The following LRMDA variants were observed in gnomAD, a reference collection of about 807,000 sequenced individuals.
The protein encoded by LRMDA is leucine-rich melanocyte differentiation-associated protein.
In LRMDA, 18 loss-of-function variants were observed where a neutral mutation model predicts 29.8. The ratio of observed to expected loss-of-function variants is 0.60; its 90% CI spans 0.42 to 0.90. The LOEUF (loss-of-function observed/expected upper bound fraction) is 0.90, where lower values mean the gene tolerates loss of function less well. Among genes scored for constraint, LRMDA ranks in the 40% least tolerant of loss-of-function variants. The probability of loss-of-function intolerance (pLI) is 0.00; values close to 1 mark genes in which losing one functional copy is unlikely to be tolerated. For synonymous variants in LRMDA, 125 were observed against 109.4 expected (o/e 1.14, Z -0.89); for missense variants, 273 against 273.9 (o/e 1.00, Z 0.02).
chr10:76,557,445 G>A lies in LRMDA; in HGVS notation c.*157G>A, dbSNP rs185154999. 8.1e-5 allele frequency: 52 copies of A among 641,566 alleles called. No individual in the cohort carries two copies. In the African/African-American group the frequency reaches 8.8e-4, roughly 11 times the overall value. The allele number at this position is 641,566 out of a possible 1,614,324, so 39.7% of individuals were successfully genotyped here. On this transcript the variant is annotated 3_prime_UTR_variant, in exon 7 of 7. Coordinates refer to ENST00000611255, the MANE Select transcript of LRMDA (RefSeq NM_001305581.2). ...TTGGTACCTTCCGCTGACTTTGCCA[G>A]GCCTGTCAAGATGATCCTTCTGCCT...
chr10:76,261,096 G>T (rs1039030944), intron 5 of LRMDA, among the ~76,000 whole-genome samples: 3 of 125,828 alleles, frequency 2.4e-5, no homozygotes, highest in African/African-American at 9.6e-5. Flanking sequence ...ACGGAGTCTC[G>T]CTCTGTTGCC....
At chr10:76,478,083 A>T (rs1223802681) in intron 6 of LRMDA, among the ~76,000 whole-genome samples, 1 of 152,184 alleles carries the variant, frequency 6.6e-6, no homozygotes, top group Non-Finnish European at 1.5e-5. Context: ...GCTTCTGCAC[A>T]GCAAAAGAAA....
intron 5 of LRMDA, among the ~76,000 whole-genome samples, chr10:76,266,248 G>A (rs1051237020): frequency 7.0e-6 from 1 of 142,784 alleles, no homozygotes; most frequent in Non-Finnish European, 1.5e-5. Flanking sequence ...ATCTTTTTTT[G>A]TAATAAAGGT....
Position 75,835,978 on chromosome 10 carries a change from T to C in LRMDA, c.132-200030T>C, listed in dbSNP as rs1440045314. Among the ~76,000 whole-genome samples the C allele has an allele frequency of 5.3e-5, 8 of 152,260 alleles. No homozygotes were observed. The East Asian group carries it at 1.5e-3, about 29-fold the overall frequency. ...TACATACAGTAGATGCTCATCAAACTCAATGGAAAAGCATTATCAAGCACA... is the reference window on the plus strand; with the variant it reads ...TACATACAGTAGATGCTCATCAAACCCAATGGAAAAGCATTATCAAGCACA... On this transcript the variant is annotated intron_variant, in intron 2 of 6. Transcript: ENST00000611255.
At chr10:76,424,494 G>A (rs1316053057) in intron 6 of LRMDA, among the ~76,000 whole-genome samples, 4 of 152,144 alleles carry the variant, frequency 2.6e-5, no homozygotes, top group South Asian at 2.1e-4. Flanking sequence ...AGCCAAGATC[G>A]TGCCACTGCA....
At chr10:76,035,575 T>C (rs567071127) in intron 2 of LRMDA, among the ~76,000 whole-genome samples, 88 of 152,320 alleles carry the variant, frequency 5.8e-4, no homozygotes, top group African/African-American at 2.1e-3. Context: ...GTATGATATT[T>C]CTGGGCAGGA....
intron 5 of LRMDA, among the ~76,000 whole-genome samples, chr10:76,231,316 T>C (rs189085196): frequency 2.0e-4 from 30 of 152,310 alleles, no homozygotes; most frequent in African/African-American, 7.2e-4. Context: ...ACTGCATTGA[T>C]TTCGGTGTTT....
Position 76,216,546 on chromosome 10 carries a change from G to A in LRMDA, c.517-107855G>A, listed in dbSNP as rs530682819. Among the ~76,000 whole-genome samples, 19 of 152,282 alleles carry A rather than the reference G, an allele frequency of 1.2e-4. No homozygotes were observed. In the East Asian group the frequency reaches 3.7e-3, roughly 29 times the overall value. Reference sequence around the variant, plus strand: ...TTTTGCAGAGATGGAAATATTTATAGCCAATTAATTTGTGAAGAGATATTC... The same window carrying A: ...TTTTGCAGAGATGGAAATATTTATAACCAATTAATTTGTGAAGAGATATTC... On this transcript the variant is annotated intron_variant, in intron 5 of 6. Transcript: ENST00000611255.
chr10:75,777,277 C>T (rs1843325636), intron 2 of LRMDA, among the ~76,000 whole-genome samples: 1 of 152,186 alleles, frequency 6.6e-6, no homozygotes, highest in Admixed American at 6.5e-5. Flanking sequence ...CTCCCCCAGC[C>T]CCTTCCATTT....
intron 6 of LRMDA, among the ~76,000 whole-genome samples, chr10:76,379,964 G>T (rs1182910718): frequency 6.6e-6 from 1 of 152,076 alleles, no homozygotes; most frequent in Non-Finnish European, 1.5e-5. Flanking sequence ...TTTTGTCATT[G>T]ATCCAAAGAT....
intron 2 of LRMDA, among the ~76,000 whole-genome samples, chr10:75,786,077 A>T (rs1385028493): frequency 6.6e-6 from 1 of 152,232 alleles, no homozygotes; most frequent in African/African-American, 2.4e-5. Context: ...ATTTCACTGC[A>T]TGCGATATGC....
intron 2 of LRMDA, among the ~76,000 whole-genome samples, chr10:75,965,207 A>G (rs1846837019): frequency 6.6e-6 from 1 of 152,208 alleles, no homozygotes; most frequent in African/African-American, 2.4e-5. Context: ...GAGGCACTGC[A>G]GCATCTGAAG....
chr10:76,390,246 C>T (rs1198574922), intron 6 of LRMDA, among the ~76,000 whole-genome samples: 1 of 151,992 alleles, frequency 6.6e-6, no homozygotes, highest in Non-Finnish European at 1.5e-5. Context: ...TTTGCCTTTC[C>T]CCATCTTTTC....
At chr10:76,123,024 G>GA (rs1273202168) in intron 5 of LRMDA, among the ~76,000 whole-genome samples, 1 of 152,098 alleles carries the variant, frequency 6.6e-6, no homozygotes, top group East Asian at 1.9e-4. Context: ...AGGGATTTCA[G>GA]AAAAATGTGC....
At chr10:75,694,815 G>A (rs751393364) in intron 2 of LRMDA, among the ~76,000 whole-genome samples, 14 of 152,114 alleles carry the variant, frequency 9.2e-5, no homozygotes, top group South Asian at 2.1e-4. Flanking sequence ...TAATTATGTC[G>A]AGGAATTGGT....
chr10:76,302,947 G>GA (rs1840500230), intron 5 of LRMDA, among the ~76,000 whole-genome samples: 1 of 152,102 alleles, frequency 6.6e-6, no homozygotes, highest in Non-Finnish European at 1.5e-5. Context: ...CAAAATCCCT[G>GA]AAAATCCCCA....
chr10:76,221,888 C>T (rs956756299), intron 5 of LRMDA, among the ~76,000 whole-genome samples: 307 of 152,068 alleles, frequency 2.0e-3, no homozygotes, highest in Admixed American at 3.2e-3. Flanking sequence ...GCTACAGTAA[C>T]CAAAACAGCA....
At chr10:75,646,755 T>C (rs978083622) in intron 2 of LRMDA, among the ~76,000 whole-genome samples, 2 of 152,196 alleles carry the variant, frequency 1.3e-5, no homozygotes, top group Non-Finnish European at 2.9e-5. Context: ...ATGATTGTTA[T>C]GATAAACAGA....
intron 4 of LRMDA, among the ~76,000 whole-genome samples, chr10:76,051,956 A>C (rs1191092609): frequency 6.6e-6 from 1 of 152,254 alleles, no homozygotes; most frequent in Non-Finnish European, 1.5e-5. Context: ...TGAAACATAT[A>C]CGTTCAGCAG....
Sources: gnomAD v4.1 joint callset for allele counts (sites outside exome capture counted in the v4.1 genomes callset) on GRCh38, gnomAD v4.1.1 for gene constraint, MANE v1.5 for transcripts, NCBI Gene and HGNC (gene_info 2026-07-23, HGNC 2026-07-21) for gene names.